The following PDE11A variants were observed in gnomAD, a reference collection of about 807,000 sequenced individuals.
PDE11A encodes phosphodiesterase 11A, also known as dual 3',5'-cyclic-AMP and -GMP phosphodiesterase 11A.
A neutral mutation model predicts 100.5 loss-of-function variants in PDE11A; 100 were observed. The observed-to-expected ratio is 1.00, with a 90% CI of 0.85 to 1.18. The LOEUF is 1.18. Ranked by LOEUF, PDE11A falls within the 50% of genes most tolerant of loss-of-function variation. The pLI, the probability that PDE11A is intolerant of heterozygous loss-of-function variation, is 0.00. For synonymous variants in PDE11A, 381 were observed against 420.8 expected (o/e 0.91, Z 1.16); for missense variants, 1,141 against 1,152.6 (o/e 0.99, Z 0.15).
chr2:178,073,399 TAC>T (rs961115103), upstream of PDE11A, among the ~76,000 whole-genome samples: 2 of 152,130 alleles, frequency 1.3e-5, no homozygotes, highest in African/African-American at 4.8e-5. Flanking sequence ...AGAGACAGAT[TAC>T]ACAGAGAAAG....
chr2:178,104,191 G>A (rs2087591669), intron 2 of PDE11A: 2 of 942,524 alleles, frequency 2.1e-6, no homozygotes, highest in Non-Finnish European at 3.5e-6. Flanking sequence ...AATATGTAAA[G>A]AGTGGTCCAT....
intron 10 of PDE11A, among the ~76,000 whole-genome samples, chr2:177,747,397 C>T (rs2081964331): frequency 6.6e-6 from 1 of 152,194 alleles, no homozygotes; most frequent in Non-Finnish European, 1.5e-5. Context: ...TCTGAACTCC[C>T]AGAAGCCTGG....
At chr2:177,682,386 T>C (rs1485995928) in intron 15 of PDE11A, among the ~76,000 whole-genome samples, 1 of 152,268 alleles carries the variant, frequency 6.6e-6, no homozygotes, top group Non-Finnish European at 1.5e-5. Context: ...GCTGAGTCTA[T>C]GTCACAGGCA....
rs1281156191 is a variant in PDE11A at position 177,626,557 on chromosome 2, G to A, written c.*2850C>T. 2 of 152,700 alleles carry A rather than the reference G, an allele frequency of 1.3e-5. No homozygotes were observed. Among genetic ancestry groups the A allele is most frequent in the East Asian group, 3.9e-4 (2 of 5,194 alleles). 9.5% of individuals were successfully genotyped at this position (152,700 alleles called of 1,614,324 possible). A position where few individuals can be genotyped will look rare whatever the true frequency, so the allele number is the denominator to read the frequency against. On this transcript the variant is annotated 3_prime_UTR_variant, in exon 20 of 20. Transcript: ENST00000286063. ...CCTTTGTTCCCCACCTGAAGGAGGA[G>A]AGACAGCCCTGCAGAAGCTATTTTC...
rs188391122 is a variant in PDE11A at position 177,777,759 on chromosome 2, C to T, written c.1738-8386G>A. On this transcript the variant is annotated intron_variant, in intron 9 of 19. Coordinates refer to ENST00000286063, the MANE Select transcript of PDE11A (RefSeq NM_016953.4). ...ACAGGTTATGAGAGTATTACTATAA[C>T]GTACATATCAGTTAATTTTTTCGAC... 6.8e-4 allele frequency among the ~76,000 whole-genome samples: 104 copies of T among 152,148 alleles called. 4 individuals are homozygous for T. The highest frequency in any genetic ancestry group is 2.2e-3 in the African/African-American group (93 of 41,516).
At chr2:177,794,262 A>AT (rs2082674392) in intron 9 of PDE11A, among the ~76,000 whole-genome samples, 1 of 152,180 alleles carries the variant, frequency 6.6e-6, no homozygotes, top group Non-Finnish European at 1.5e-5. Flanking sequence ...AGCCGTGTGG[A>AT]TATCAGGATG....
rs539527466 is a variant in PDE11A at position 177,950,094 on chromosome 2, G to A, written c.1072-44907C>T. Reference sequence around the variant, plus strand: ...AATAATGTTGCATTCAAAGAACCACGTTTCAACAGCTACTTTCTTCTGACA... The same window carrying A: ...AATAATGTTGCATTCAAAGAACCACATTTCAACAGCTACTTTCTTCTGACA... On this transcript the variant is annotated intron_variant, in intron 2 of 19. Transcript: ENST00000286063. Among the ~76,000 whole-genome samples the A allele has an allele frequency of 4.6e-5, 7 of 152,278 alleles. No individual in the cohort carries two copies. In the East Asian group the frequency reaches 1.3e-3, roughly 29 times the overall value.
At chr2:177,889,242 C>T (rs565269023) in intron 4 of PDE11A, among the ~76,000 whole-genome samples, 1 of 152,296 alleles carries the variant, frequency 6.6e-6, no homozygotes, top group South Asian at 2.1e-4. Flanking sequence ...TGTCCTCCAG[C>T]ACAGGAGACT....
chr2:177,892,180 C>A (rs1339612172), intron 4 of PDE11A, among the ~76,000 whole-genome samples: 1 of 152,158 alleles, frequency 6.6e-6, no homozygotes, highest in Non-Finnish European at 1.5e-5. Context: ...CTCCCTCATA[C>A]ATTAATGAGT....
intron 1 of PDE11A, among the ~76,000 whole-genome samples, chr2:178,047,216 C>G (rs1574365695): frequency 6.6e-6 from 1 of 152,116 alleles, no homozygotes; most frequent in Non-Finnish European, 1.5e-5. Context: ...AATCCCAACA[C>G]TTTGGGAGGC....
intron 1 of PDE11A, among the ~76,000 whole-genome samples, chr2:178,048,659 C>T (rs2086783889): frequency 6.6e-6 from 1 of 152,116 alleles, no homozygotes; most frequent in Admixed American, 6.5e-5. Flanking sequence ...TCCAAAGGGA[C>T]AGGCCCCTTG....
chr2:178,030,320 C>CA (rs1410084368), intron 1 of PDE11A, among the ~76,000 whole-genome samples: 1 of 151,724 alleles, frequency 6.6e-6, no homozygotes, highest in Non-Finnish European at 1.5e-5. Flanking sequence ...AAAACTTATC[C>CA]AAAAAATCTT....
intron 9 of PDE11A, among the ~76,000 whole-genome samples, chr2:177,805,901 C>T (rs1310009855): frequency 6.6e-6 from 1 of 152,096 alleles, no homozygotes; most frequent in Non-Finnish European, 1.5e-5. Context: ...GAATGTGAGA[C>T]AAAGAGAAGT....
chr2:178,041,794 C>T (rs2086686137), intron 1 of PDE11A, among the ~76,000 whole-genome samples: 1 of 152,198 alleles, frequency 6.6e-6, no homozygotes, highest in Non-Finnish European at 1.5e-5. Context: ...TCCAGTTTCA[C>T]ATCTGCCCTG....
At chr2:177,722,958 A>G (rs1228282452) in intron 12 of PDE11A, 5 of 152,228 alleles carry the variant, frequency 3.3e-5, no homozygotes, top group South Asian at 2.1e-4. Flanking sequence ...AGAACAAAAC[A>G]TCTAGATCTC....
At chr2:177,853,714 T>TGTTTG (rs1558974124) in intron 5 of PDE11A, among the ~76,000 whole-genome samples, 1 of 16,302 alleles carries the variant, frequency 6.1e-5, no homozygotes, top group African/African-American at 1.7e-4. Context: ...GTGTGTGTGT[T>TGTTTG]TGTGTGTGTG....
At chr2:177,987,577 G>C (rs746082934) in intron 2 of PDE11A, among the ~76,000 whole-genome samples, 5 of 152,214 alleles carry the variant, frequency 3.3e-5, no homozygotes, top group Non-Finnish European at 7.3e-5. Flanking sequence ...CCCTGCAGGA[G>C]TATCTTTTCT....
intron 9 of PDE11A, among the ~76,000 whole-genome samples, chr2:177,798,396 C>T (rs1275876261): frequency 6.6e-6 from 1 of 152,202 alleles, no homozygotes; most frequent in Non-Finnish European, 1.5e-5. Flanking sequence ...TCGTAGTCTA[C>T]TCTATGCTGT....
intron 15 of PDE11A, among the ~76,000 whole-genome samples, chr2:177,695,712 G>GGCCTTC (rs1574053014): frequency 6.6e-6 from 1 of 152,150 alleles, no homozygotes; most frequent in East Asian, 1.9e-4. Context: ...AATAAGGGGA[G>GGCCTTC]TGACCTGGCT....
Sources: gnomAD v4.1 joint callset for allele counts (sites outside exome capture counted in the v4.1 genomes callset) on GRCh38, gnomAD v4.1.1 for gene constraint, MANE v1.5 for transcripts, NCBI Gene and HGNC (gene_info 2026-07-23, HGNC 2026-07-21) for gene names.